Variants in INTS10 observed in about 807,000 individuals in gnomAD.
INTS10 encodes integrator complex subunit 10.
Under a neutral mutation model 94.4 loss-of-function variants are expected in INTS10, and 44 were observed. That is an observed-to-expected ratio of 0.47 (90% CI 0.37 to 0.60). The LOEUF (loss-of-function observed/expected upper bound fraction) is 0.60. Ranked by LOEUF, INTS10 falls within the 20% of genes least tolerant of loss-of-function variation. INTS10 has a pLI of 0.00. For synonymous variants in INTS10, 341 were observed against 320.7 expected, an observed-to-expected ratio of 1.06 and a Z score of -0.68; for missense variants, 797 against 868.7, an observed-to-expected ratio of 0.92 and a Z score of 1.04.
At chr8:19,841,015 A>T (rs1249639881) in intron 13 of INTS10, among the ~76,000 whole-genome samples, 2 of 152,146 alleles carry the variant, frequency 1.3e-5, no homozygotes, top group East Asian at 3.8e-4. Flanking sequence ...TGACTTCAAG[A>T]CTTATTTTAA....
rs949710003 is a variant in INTS10 at position 19,823,507 on chromosome 8, C to T, written c.664+66C>T. ...AGTAATATTGCAAAATTCAGAAACC[C>T]CTCAATGTTCTGATTATTCTCCTCT... is the stretch of plus-strand genomic sequence containing the variant. On this transcript the variant is annotated intron_variant, in intron 6 of 16. Coordinates refer to ENST00000397977, the MANE Select transcript of INTS10 (RefSeq NM_018142.4). 3.7e-6 allele frequency: 4 copies of T among 1,079,480 alleles called. No individual in the cohort carries two copies. The African/African-American group carries it at 4.7e-5, about 13-fold the overall frequency. The allele number at this position is 1,079,480 out of a possible 1,614,324, so 66.9% of individuals were successfully genotyped here. A position where few individuals can be genotyped will look rare whatever the true frequency, so the allele number is the denominator to read the frequency against.
intron 6 of INTS10, among the ~76,000 whole-genome samples, 162 bp from the exon 7 acceptor site, chr8:19,823,711 T>G (rs897316793): frequency 6.6e-6 from 1 of 152,240 alleles, no homozygotes; most frequent in African/African-American, 2.4e-5. Context: ...AATTACTTCT[T>G]GCTTATACCA....
At position 19,824,833 on chromosome 8, in the gene INTS10, G is replaced by A. The variant is rs2066665176; in HGVS notation, c.867G>A (p.Lys289=). ...RSYGDILHRM[K]DLCRYMNNFD... ...ATGGAGATATTTTGCATAGAATGAA[G>A]GATCTCTGCAGATACATGAACAACT... The change falls in exon 8 of 17, where the codon AAG becomes AAA. Residue 289 remains lysine (K), a synonymous_variant. Coordinates refer to ENST00000397977, the MANE Select transcript of INTS10 (RefSeq NM_018142.4). The A allele has an allele frequency of 1.9e-6, 3 of 1,610,922 alleles. No homozygotes were observed. Among genetic ancestry groups the A allele is most frequent in the Non-Finnish European group, 2.5e-6 (3 of 1,178,022 alleles).
At chr8:19,822,864 C>T (rs538847417) in intron 5 of INTS10, among the ~76,000 whole-genome samples, 34 of 151,658 alleles carry the variant, frequency 2.2e-4, no homozygotes, top group African/African-American at 5.6e-4. Context: ...GCAGGAGAGT[C>T]GCTTGAAACT....
At chr8:19,835,738 T>A (rs576753524) in intron 12 of INTS10, among the ~76,000 whole-genome samples, 1 of 152,214 alleles carries the variant, frequency 6.6e-6, no homozygotes, top group Non-Finnish European at 1.5e-5. Context: ...TTCACAACCC[T>A]GTGGGCATAG....
chr8:19,823,620 C>G (rs955564781), intron 6 of INTS10, among the ~76,000 whole-genome samples, 179 bp downstream of exon 6: 7 of 151,988 alleles, frequency 4.6e-5, no homozygotes, highest in Admixed American at 2.6e-4. Context: ...GCAATGCCAC[C>G]CCTTGATCAA....
chr8:19,835,708 T>C (rs114548346), intron 12 of INTS10, among the ~76,000 whole-genome samples: 1,560 of 152,290 alleles, frequency 0.01, 22 homozygotes, highest in South Asian at 0.05. Context: ...ACCAGGCTGC[T>C]CATCTCTCTA....
At chr8:19,850,180 T>G (rs958296029) in intron 16 of INTS10, among the ~76,000 whole-genome samples, 2 of 151,082 alleles carry the variant, frequency 1.3e-5, no homozygotes, top group South Asian at 4.2e-4. Flanking sequence ...GGGTTTGCCC[T>G]TTAGCTAACT....
chr8:19,828,348 A>C lies in INTS10; in HGVS notation c.1140+1789A>C, dbSNP rs191617919. Reference sequence around the variant, plus strand: ...CAACTGGAGTTGGGGGGTGGCCCACATCAGTTCTCCAGCCAGCTGACATCA... The same window carrying C: ...CAACTGGAGTTGGGGGGTGGCCCACCTCAGTTCTCCAGCCAGCTGACATCA... On this transcript the variant is annotated intron_variant, in intron 9 of 16. Coordinates refer to ENST00000397977, the MANE Select transcript of INTS10 (RefSeq NM_018142.4). Among the ~76,000 whole-genome samples, 130 of 152,294 alleles carry C rather than the reference A, an allele frequency of 8.5e-4. 1 individual carries two copies. The highest frequency in any genetic ancestry group is 3.9e-3 in the East Asian group (20 of 5,184).
chr8:19,840,485 C>G (rs2068043962), intron 13 of INTS10, among the ~76,000 whole-genome samples: 1 of 151,896 alleles, frequency 6.6e-6, no homozygotes, highest in African/African-American at 2.4e-5. Context: ...CTAGAATAGT[C>G]AAAACAGGTT....
rs2068393447 is a variant in INTS10 at position 19,844,319 on chromosome 8, C to A, written c.1882+81C>A. On this transcript the variant is annotated intron_variant, in intron 15 of 16. Transcript: ENST00000397977. ...CATGATAGAAAAAGAATGAACCATT[C>A]TGGATAGAAATAATGATTTTTACTA... is the stretch of plus-strand genomic sequence containing the variant. 13 of 1,051,322 alleles carry A rather than the reference C, an allele frequency of 1.2e-5. 1 individual carries two copies. In the East Asian group the frequency reaches 3.3e-4, roughly 27 times the overall value. The allele number at this position is 1,051,322 out of a possible 1,614,324, so 65.1% of individuals were successfully genotyped here. A position where few individuals can be genotyped will look rare whatever the true frequency, so the allele number is the denominator to read the frequency against.
intron 1 of INTS10, 45 bp downstream of exon 1, chr8:19,817,711 C>G (rs765104246): frequency 1.9e-6 from 3 of 1,571,350 alleles, no homozygotes; most frequent in South Asian, 2.3e-5. Context: ...TGGAGGTGCG[C>G]GCTCCCGTCG....
chr8:19,829,020 G>A (rs1257635834), intron 9 of INTS10, among the ~76,000 whole-genome samples: 1 of 152,250 alleles, frequency 6.6e-6, no homozygotes, highest in East Asian at 1.9e-4. Flanking sequence ...AAGGTGGGCA[G>A]TGGAGGGAGG....
chr8:19,846,643 G>C lies in INTS10; in HGVS notation c.1976+846G>C, dbSNP rs77350935. On this transcript the variant is annotated intron_variant, in intron 16 of 16. Transcript: ENST00000397977. This position sits in a 1 kb window ranked among gnomAD's most constrained non-coding sequence, Gnocchi z 4.2. ...CCTGTCCCAAGAAATGATGGTGGGAGTGGTTGGTCTCCACCATGCTCCCCT... is the reference window on the plus strand; with the variant it reads ...CCTGTCCCAAGAAATGATGGTGGGACTGGTTGGTCTCCACCATGCTCCCCT... 5.1e-3 allele frequency among the ~76,000 whole-genome samples: 776 copies of C among 152,312 alleles called. 5 individuals are homozygous for C. The highest frequency in any genetic ancestry group is 0.018 in the African/African-American group (737 of 41,564).
chr8:19,822,766 A>G (rs960206577), intron 5 of INTS10, among the ~76,000 whole-genome samples: 11 of 152,132 alleles, frequency 7.2e-5, no homozygotes, highest in African/African-American at 2.7e-4. Flanking sequence ...CCTGGCCAAC[A>G]TGGTGAAAAC....
At chr8:19,848,276 G>T (rs1005472786) in intron 16 of INTS10, among the ~76,000 whole-genome samples, 2 of 152,164 alleles carry the variant, frequency 1.3e-5, no homozygotes, top group African/African-American at 4.8e-5. Flanking sequence ...CTCCCCGGGG[G>T]TAAGGCTGTG....
intron 8 of INTS10, among the ~76,000 whole-genome samples, chr8:19,825,326 G>C (rs1314357596): frequency 1.3e-5 from 2 of 152,118 alleles, no homozygotes; most frequent in Non-Finnish European, 2.9e-5. Context: ...AGGAGTTTGA[G>C]ACCAGCCTGG....
rs754779135 is a variant in INTS10 at position 19,826,477 on chromosome 8, A to G, written c.1058A>G (p.Asn353Ser). The change falls in exon 9 of 17, where the codon AAT (asparagine) becomes AGT (serine). Residue 353 changes from asparagine to serine, a missense_variant. Asn to Ser is a conservative substitution (Grantham distance 46). Around this residue, in one of 3 missense-constraint regions of INTS10, gnomAD observed 734 missense variants for 787.8 expected, o/e 0.93. Coordinates refer to ENST00000397977, the MANE Select transcript of INTS10 (RefSeq NM_018142.4). ...VPLVLLEDVS[N>S]VYGDVEIDRN... is the part of the protein sequence containing the mutation. ...CTGGTTCTTCTTGAAGATGTATCGA[A>G]TGTGTATGGTGATGTAGAAATTGAT... 30 of 1,612,702 alleles carry G rather than the reference A, an allele frequency of 1.9e-5. No homozygotes were observed. Among genetic ancestry groups the G allele is most frequent in the African/African-American group, 2.7e-5 (2 of 74,842 alleles).
rs1471838360 is a variant in INTS10 at position 19,817,579 on chromosome 8, C to T, written c.42C>T (p.Ala14=). The T allele has an allele frequency of 1.9e-6, 3 of 1,608,958 alleles. No individual in the cohort carries two copies. Among genetic ancestry groups the T allele is most frequent in the South Asian group, 2.2e-5 (2 of 89,976 alleles). ...QGDCEFLVQR[A]RELVPQDLWA... Reference sequence around the variant, plus strand: ...ACTGCGAGTTCCTGGTGCAGCGAGCCCGGGAGTTGGTGCCGCAAGACCTGT... The same window carrying T: ...ACTGCGAGTTCCTGGTGCAGCGAGCTCGGGAGTTGGTGCCGCAAGACCTGT... The change falls in exon 1 of 17, where the codon GCC becomes GCT. Residue 14 remains alanine, a synonymous_variant. Transcript: ENST00000397977.
Sources: gnomAD v4.1 joint callset for allele counts (sites outside exome capture counted in the v4.1 genomes callset) on GRCh38, gnomAD v4.1.1 for gene constraint, gnomAD v4.1.1 regional missense constraint, Gnocchi (gnomAD v3.1) non-coding constraint, MANE v1.5 for transcripts, NCBI Gene and HGNC (gene_info 2026-07-23, HGNC 2026-07-21) for gene names.